Variants in DNAJC2 observed in about 807,000 individuals in gnomAD.
The protein encoded by DNAJC2 is dnaJ homolog subfamily C member 2.
A neutral mutation model predicts 94.0 loss-of-function variants in DNAJC2; 32 were observed. The ratio of observed to expected loss-of-function variants is 0.34; its 90% CI spans 0.26 to 0.46. The LOEUF (loss-of-function observed/expected upper bound fraction) is 0.46, where lower values mean the gene tolerates loss of function less well. DNAJC2 is among the 20% of genes least tolerant of loss of function. DNAJC2 has a pLI of 1.00. For missense variants in DNAJC2, 550 were observed against 719.5 expected (o/e 0.76, Z 2.69); for synonymous variants, 210 against 229.7 (o/e 0.91, Z 0.77).
chr7:103,315,902 A>G, intron 14 of DNAJC2, 31 bp from the exon 15 acceptor site: 1 of 1,555,948 alleles, frequency 6.4e-7, no homozygotes, highest in South Asian at 1.1e-5. Context: ...AATACTTAAC[A>G]GATCATCATT....
chr7:103,315,330 C>T (rs1817988825), intron 15 of DNAJC2, among the ~76,000 whole-genome samples: 2 of 152,002 alleles, frequency 1.3e-5, no homozygotes, highest in Non-Finnish European at 2.9e-5. Flanking sequence ...TTATTTTTAC[C>T]TATATGTACA....
chr7:103,322,521 G>A lies in DNAJC2; in HGVS notation c.923C>T (p.Ala308Val). Residue 308 changes from alanine (A) to valine (V), a missense_variant, in exon 9 of 17, where the codon GCT becomes GTT. Transcript: ENST00000379263. ...TAAATGTTGTCTTACTTTTTCTTTA[G>A]CTTCTTGCTCCTTCCGTTTAGCTTC... ...KAEAKRKEQEAKEKQRQAELE... is the reference protein window; with the variant it reads ...KAEAKRKEQEVKEKQRQAELE... 6.7e-7 allele frequency: 1 copy of A among 1,494,652 alleles called. No homozygotes were observed. Among genetic ancestry groups the A allele is most frequent in the Non-Finnish European group, 9.1e-7 (1 of 1,095,804 alleles). The allele number at this position is 1,494,652 out of a possible 1,614,324, so 92.6% of individuals were successfully genotyped here. A position where few individuals can be genotyped will look rare whatever the true frequency, so the allele number is the denominator to read the frequency against.
intron 12 of DNAJC2, among the ~76,000 whole-genome samples, chr7:103,318,345 G>A (rs998832014): frequency 2.0e-5 from 3 of 151,984 alleles, no homozygotes; most frequent in East Asian, 1.9e-4. Context: ...TTGTATTTTC[G>A]GTAGAGATTT....
At chr7:103,344,192 G>C in intron 1 of DNAJC2, 1 of 256,798 alleles carries the variant, frequency 3.9e-6, no homozygotes, top group South Asian at 1.0e-4. Context: ...AGCTTTGTAC[G>C]ACCCCAGGCA....
intron 15 of DNAJC2, chr7:103,313,612 G>C: frequency 1.0e-6 from 1 of 984,778 alleles, no homozygotes; most frequent in Non-Finnish European, 1.2e-6. Context: ...CAAGGTACCA[G>C]TGCTGGAGAG....
rs1033204044 is a variant in DNAJC2, at chr7:103,312,484, T to G, written c.*85A>C. On this transcript the variant is annotated 3_prime_UTR_variant, in exon 17 of 17. Transcript: ENST00000379263. ...ATGTTGGAAGCAGCATACTTTCAAATTATTACCATGAGTATAATTTTAAGA... is the reference window on the plus strand; with the variant it reads ...ATGTTGGAAGCAGCATACTTTCAAAGTATTACCATGAGTATAATTTTAAGA... 8 of 1,562,478 alleles carry G rather than the reference T, an allele frequency of 5.1e-6. No homozygotes were observed. The highest frequency in any genetic ancestry group is 6.9e-6 in the Non-Finnish European group (8 of 1,160,054).
At chr7:103,341,162 C>T (rs1052089195) in intron 2 of DNAJC2, among the ~76,000 whole-genome samples, 2 of 152,234 alleles carry the variant, frequency 1.3e-5, no homozygotes, top group African/African-American at 4.8e-5. Flanking sequence ...CCTTAGTGCA[C>T]TAGCCCTATA....
At position 103,323,303 on chromosome 7, in the gene DNAJC2, T is replaced by G. The variant is rs1207622687; in HGVS notation, c.719+295A>C. 2.0e-5 allele frequency among the ~76,000 whole-genome samples: 3 copies of G among 150,176 alleles called. No individual in the cohort carries two copies. In the East Asian group the frequency reaches 6.3e-4, roughly 32 times the overall value. ...CATGTCAAAAGCATTTCTGCACACA[T>G]ACAAAAAAAAAATTAATAAAACCTA... On this transcript the variant is annotated intron_variant, in intron 7 of 16. Coordinates refer to ENST00000379263, the MANE Select transcript of DNAJC2 (RefSeq NM_014377.3).
At chr7:103,328,366 C>T (rs1279989057) in intron 3 of DNAJC2, among the ~76,000 whole-genome samples, 1 of 151,924 alleles carries the variant, frequency 6.6e-6, no homozygotes, top group Non-Finnish European at 1.5e-5. Flanking sequence ...CATGGTGGCT[C>T]ATGCTTGTAA....
intron 3 of DNAJC2, among the ~76,000 whole-genome samples, chr7:103,330,463 A>G (rs935125779): frequency 4.7e-5 from 7 of 147,958 alleles, no homozygotes; most frequent in African/African-American, 1.8e-4. Context: ...AACTTTATTT[A>G]TTTATTGAGA....
Position 103,312,437 on chromosome 7 carries a change from A to T in DNAJC2, c.*132T>A. On this transcript the variant is annotated 3_prime_UTR_variant, in exon 17 of 17. Transcript: ENST00000379263. ...TGAAGGTTGTTTTGTATTAATGGTC[A>T]GTCTTTGTTCTCTGAGAAATTATGT... 6.6e-7 allele frequency: 1 copy of T among 1,515,106 alleles called. No homozygotes were observed. Among genetic ancestry groups the T allele is most frequent in the Non-Finnish European group, 8.8e-7 (1 of 1,140,968 alleles). 93.9% of individuals were successfully genotyped at this position (1,515,106 alleles called of 1,614,324 possible). A position where few individuals can be genotyped will look rare whatever the true frequency, so the allele number is the denominator to read the frequency against.
In DNAJC2 at chr7:103,326,704, G is replaced by C. The variant is rs370973599; in HGVS notation, c.431-20C>G. On this transcript the variant is annotated intron_variant, in intron 4 of 16. Transcript: ENST00000379263. Reference sequence around the variant, plus strand: ...CATAAGCTGAGAAAAAAATTGTTAAGATCACATCACCATAACTTTACCTAT... The same window carrying C: ...CATAAGCTGAGAAAAAAATTGTTAACATCACATCACCATAACTTTACCTAT... 4 of 1,595,264 alleles carry C rather than the reference G, an allele frequency of 2.5e-6. No homozygotes were observed. The African/African-American group carries it at 5.4e-5, about 22-fold the overall frequency.
chr7:103,337,698 C>A (rs1207456765), intron 3 of DNAJC2, 38 bp downstream of exon 3: 2 of 1,504,770 alleles, frequency 1.3e-6, no homozygotes, highest in Non-Finnish European at 1.8e-6. Context: ...TGTTCCTATA[C>A]AAGATATTTG....
At position 103,337,716 on chromosome 7, in the gene DNAJC2, C is replaced by T. The variant is rs1198292972; in HGVS notation, c.331+20G>A. ...TCCTATACAAGATATTTGATTATTTCAAAATAACTAAGTACTTACGAGCTG... is the reference window on the plus strand; with the variant it reads ...TCCTATACAAGATATTTGATTATTTTAAAATAACTAAGTACTTACGAGCTG... On this transcript the variant is annotated intron_variant, in intron 3 of 16. Transcript: ENST00000379263. The T allele has an allele frequency of 6.3e-7, 1 of 1,593,562 alleles. No individual in the cohort carries two copies. The highest frequency in any genetic ancestry group is 1.7e-5 in the Admixed American group (1 of 59,604).
At chr7:103,322,678 G>C in intron 8 of DNAJC2, 25 bp downstream of exon 8, 1 of 1,612,294 alleles carries the variant, frequency 6.2e-7, no homozygotes, top group Non-Finnish European at 8.5e-7. Flanking sequence ...CTAACATTTA[G>C]GGGACTTAAA....
chr7:103,312,781 G>A, intron 16 of DNAJC2, 138 bp from the exon 17 acceptor site: 4 of 1,510,778 alleles, frequency 2.6e-6, no homozygotes, highest in Non-Finnish European at 3.5e-6. Flanking sequence ...CCAGGGCCTA[G>A]AAAGTTTCTA....
Position 103,316,919 on chromosome 7 carries a change from T to A in DNAJC2, c.1338A>T (p.Gly446=). The A allele has an allele frequency of 6.2e-7, 1 of 1,613,992 alleles. No homozygotes were observed. Among genetic ancestry groups the A allele is most frequent in the Non-Finnish European group, 8.5e-7 (1 of 1,179,896 alleles). The change falls in exon 13 of 17, where the codon GGA becomes GGT. Residue 446 remains glycine (G), a synonymous_variant. Transcript: ENST00000379263. ...ASKNTEKSTG[G]GGNGSKNWSE... ...ACCAATTTTTACTTCCATTTCCACC[T>A]CCACCAGTTGATTTCTCTGTGTTCT...
chr7:103,341,909 G>C lies in DNAJC2; in HGVS notation c.110C>G (p.Ala37Gly). ...QVEPVGRWFE[A>G]FVKRRNRNAS... Reference sequence around the variant, plus strand: ...ATTTCTGTTTCTCCTCTTAACAAAAGCTTCAAACCATCTTCCCACAGGTTC... The same window carrying C: ...ATTTCTGTTTCTCCTCTTAACAAAACCTTCAAACCATCTTCCCACAGGTTC... Residue 37 changes from alanine to glycine, a missense_variant, in exon 2 of 17, where the codon GCT (alanine) becomes GGT (glycine). Physicochemically the swap from Ala to Gly is moderately conservative, Grantham distance 60 (BLOSUM62 0). Coordinates refer to ENST00000379263, the MANE Select transcript of DNAJC2 (RefSeq NM_014377.3). 1 of 1,611,320 alleles carries C rather than the reference G, an allele frequency of 6.2e-7. No homozygotes were observed. The highest frequency in any genetic ancestry group is 8.5e-7 in the Non-Finnish European group (1 of 1,179,134).
chr7:103,344,646 G>A lies in DNAJC2; in HGVS notation c.-24C>T. 1 of 1,604,360 alleles carries A rather than the reference G, an allele frequency of 6.2e-7. No individual in the cohort carries two copies. Among genetic ancestry groups the A allele is most frequent in the Non-Finnish European group, 8.5e-7 (1 of 1,179,270 alleles). ...ATGATGGCGCCGGGTCTAGCCCGGT[G>A]GGCGCAGCGGCTCACGTCCCGGGCG... On this transcript the variant is annotated 5_prime_UTR_variant, in exon 1 of 17. Transcript: ENST00000379263.
Sources: gnomAD v4.1 joint callset for allele counts (sites outside exome capture counted in the v4.1 genomes callset) on GRCh38, gnomAD v4.1.1 for gene constraint, MANE v1.5 for transcripts, NCBI Gene and HGNC (gene_info 2026-07-23, HGNC 2026-07-21) for gene names.